The following NUBPL variants were observed in gnomAD, a reference collection of about 807,000 sequenced individuals.
NUBPL encodes NUBP iron-sulfur cluster assembly factor, mitochondrial.
In NUBPL, 31 loss-of-function variants were observed where a neutral mutation model predicts 45.7. The ratio of observed to expected loss-of-function variants is 0.68; its 90% CI spans 0.51 to 0.92. The LOEUF is 0.92. Among genes scored for constraint, NUBPL ranks in the 40% least tolerant of loss-of-function variants. The pLI is 0.00. For missense variants in NUBPL, 401 were observed against 398.7 expected (o/e 1.01, Z -0.05); for synonymous variants, 144 against 140.9 (o/e 1.02, Z -0.15).
chr14:31,699,274 TATTA>T (rs1367917333), intron 6 of NUBPL, among the ~76,000 whole-genome samples: 4 of 152,264 alleles, frequency 2.6e-5, no homozygotes, highest in Admixed American at 1.3e-4. Flanking sequence ...AAATGTGGTG[TATTA>T]ATTATCTGAA....
chr14:31,637,904 T>G (rs572309495), intron 4 of NUBPL, among the ~76,000 whole-genome samples: 1 of 152,338 alleles, frequency 6.6e-6, no homozygotes, highest in Admixed American at 6.5e-5. Context: ...GAGACTAGGA[T>G]TGCAACGCCT....
chr14:31,645,865 C>T (rs954042417), intron 4 of NUBPL, among the ~76,000 whole-genome samples: 4 of 137,008 alleles, frequency 2.9e-5, no homozygotes, highest in East Asian at 2.4e-4. Context: ...TTACTGTTTT[C>T]GATAGATTTC....
chr14:31,758,843 T>G (rs1302219665), intron 6 of NUBPL, among the ~76,000 whole-genome samples: 2 of 152,218 alleles, frequency 1.3e-5, no homozygotes, highest in African/African-American at 4.8e-5. Flanking sequence ...TAATTTTGCA[T>G]TCTACTGTTT....
intron 7 of NUBPL, among the ~76,000 whole-genome samples, chr14:31,826,416 C>T (rs1375949432): frequency 2.0e-5 from 3 of 152,124 alleles, no homozygotes; most frequent in African/African-American, 4.8e-5. Flanking sequence ...CCACCGTGCC[C>T]GGCCCAGTTG....
chr14:31,792,746 G>A (rs2039405905), intron 7 of NUBPL, among the ~76,000 whole-genome samples: 1 of 152,168 alleles, frequency 6.6e-6, no homozygotes, highest in African/African-American at 2.4e-5. Context: ...CAAAAAGGAT[G>A]TTGAAGGGAA....
chr14:31,677,330 C>T (rs1393674386), intron 6 of NUBPL, among the ~76,000 whole-genome samples: 3 of 152,174 alleles, frequency 2.0e-5, no homozygotes, highest in Non-Finnish European at 4.4e-5. Flanking sequence ...CCATTCCCTC[C>T]ACCCCCACCA....
chr14:31,632,149 G>T (rs536346911), intron 4 of NUBPL, among the ~76,000 whole-genome samples: 6 of 152,280 alleles, frequency 3.9e-5, no homozygotes, highest in Non-Finnish European at 7.4e-5. Flanking sequence ...TAATTTGAGA[G>T]GGACTATTTA....
chr14:31,828,814 A>T (rs2040144913), intron 8 of NUBPL, among the ~76,000 whole-genome samples: 1 of 152,134 alleles, frequency 6.6e-6, no homozygotes, highest in Non-Finnish European at 1.5e-5. Flanking sequence ...GTTCTGACAG[A>T]TTTTTTCCTA....
In NUBPL at chr14:31,643,403, T is replaced by C. The variant is rs74913659; in HGVS notation, c.383-29952T>C. 1.1e-3 allele frequency among the ~76,000 whole-genome samples: 168 copies of C among 152,314 alleles called. No individual in the cohort carries two copies. In the Middle Eastern group the frequency reaches 0.014, roughly 12 times the overall value. On this transcript the variant is annotated intron_variant, in intron 4 of 10. Transcript: ENST00000281081. ...GAATGCTTTTCAGCATGTATTGAAATGATCACATGATATTTCCTCTTAGTT... is the reference window on the plus strand; with the variant it reads ...GAATGCTTTTCAGCATGTATTGAAACGATCACATGATATTTCCTCTTAGTT...
At chr14:31,805,528 A>T (rs147307439) in intron 7 of NUBPL, among the ~76,000 whole-genome samples, 2 of 152,244 alleles carry the variant, frequency 1.3e-5, no homozygotes, top group South Asian at 4.1e-4. Flanking sequence ...ATGCCTATCA[A>T]TGGTAGACTG....
intron 4 of NUBPL, among the ~76,000 whole-genome samples, chr14:31,638,336 C>A (rs1229034249): frequency 6.6e-6 from 1 of 151,352 alleles, no homozygotes; most frequent in Non-Finnish European, 1.5e-5. Flanking sequence ...TTTATTTCTC[C>A]TTCACTTATG....
At chr14:31,637,878 A>C (rs1047314519) in intron 4 of NUBPL, among the ~76,000 whole-genome samples, 1 of 152,134 alleles carries the variant, frequency 6.6e-6, no homozygotes, top group Non-Finnish European at 1.5e-5. Context: ...TTGTTGGTTT[A>C]AAGTCTGTTT....
intron 6 of NUBPL, among the ~76,000 whole-genome samples, chr14:31,746,124 T>C (rs2038394951): frequency 1.3e-5 from 2 of 152,038 alleles, no homozygotes; most frequent in African/African-American, 2.4e-5. Flanking sequence ...TCATATCATC[T>C]GCAAACAGGG....
intron 4 of NUBPL, among the ~76,000 whole-genome samples, chr14:31,636,286 A>C (rs1229942422): frequency 6.6e-6 from 1 of 151,816 alleles, no homozygotes; most frequent in African/African-American, 2.4e-5. Flanking sequence ...ATTTATTGAG[A>C]GTTTTTAGCA....
At chr14:31,841,919 T>TTTGTTTTTG (rs1202169966) in intron 8 of NUBPL, among the ~76,000 whole-genome samples, 12,432 of 86,120 alleles carry the variant, frequency 0.14, 2,296 homozygotes, top group South Asian at 0.25. Context: ...ATTCTGGGCT[T>TTTGTTTTTG]TTTTTTTTTT....
intron 6 of NUBPL, among the ~76,000 whole-genome samples, chr14:31,782,259 G>T (rs1311595875): frequency 6.6e-6 from 1 of 152,118 alleles, no homozygotes; most frequent in African/African-American, 2.4e-5. Flanking sequence ...GCTGGGCATG[G>T]TGGTGGGTGC....
intron 6 of NUBPL, among the ~76,000 whole-genome samples, chr14:31,714,415 G>C: frequency 6.6e-6 from 1 of 152,216 alleles, no homozygotes; most frequent in East Asian, 1.9e-4. Context: ...ACTGGCTGAT[G>C]GTTCTGCAGG....
intron 6 of NUBPL, among the ~76,000 whole-genome samples, chr14:31,750,721 T>G (rs1307571655): frequency 6.6e-6 from 1 of 151,638 alleles, no homozygotes. Flanking sequence ...TTGTTTCCTG[T>G]CATGTTGGAT....
chr14:31,663,279 A>C (rs999656492), intron 4 of NUBPL, among the ~76,000 whole-genome samples: 1 of 152,092 alleles, frequency 6.6e-6, no homozygotes, highest in African/African-American at 2.4e-5. Context: ...TTTGGTTGCC[A>C]TTGCTTTTGG....
Sources: allele counts gnomAD v4.1 joint callset (sites outside exome capture counted in the v4.1 genomes callset), GRCh38; gene constraint gnomAD v4.1.1; transcripts MANE v1.5; gene names NCBI Gene and HGNC (gene_info 2026-07-23, HGNC 2026-07-21).